Variants in BAZ2B observed in about 807,000 individuals in gnomAD.
BAZ2B encodes bromodomain adjacent to zinc finger domain 2B, also known as bromodomain adjacent to zinc finger domain protein 2B.
A neutral mutation model predicts 246.0 loss-of-function variants in BAZ2B; 91 were observed. The ratio of observed to expected loss-of-function variants is 0.37; its 90% CI spans 0.31 to 0.44. The LOEUF is 0.44. BAZ2B is among the 20% of genes least tolerant of loss of function. The pLI is 1.00. For missense variants in BAZ2B, 2,332 were observed against 2,533.7 expected (o/e 0.92, Z 1.71); for synonymous variants, 855 against 860.0 (o/e 0.99, Z 0.10).
intron 2 of BAZ2B, among the ~76,000 whole-genome samples, chr2:159,506,897 A>T (rs2082387586): frequency 6.6e-6 from 1 of 152,220 alleles, no homozygotes; most frequent in South Asian, 2.1e-4. Context: ...AGAGAATCTA[A>T]CAAGCAAGAT....
intron 1 of BAZ2B, among the ~76,000 whole-genome samples, chr2:159,604,965 C>CGT (rs1693111088): frequency 7.0e-6 from 1 of 143,590 alleles, no homozygotes; most frequent in Non-Finnish European, 1.5e-5. Flanking sequence ...CGTGTGTGCG[C>CGT]GCGCTAGGAG....
At chr2:159,324,213 G>A (rs1363876421) in intron 36 of BAZ2B, among the ~76,000 whole-genome samples, 2 of 152,096 alleles carry the variant, frequency 1.3e-5, no homozygotes, top group African/African-American at 2.4e-5. Context: ...CCCAAAGTAA[G>A]TAACTTTATT....
intron 25 of BAZ2B, among the ~76,000 whole-genome samples, chr2:159,379,819 A>G (rs969196427): frequency 6.6e-6 from 1 of 152,166 alleles, no homozygotes; most frequent in African/African-American, 2.4e-5. Flanking sequence ...AAGGGAAAAG[A>G]GTTCTTTCTA....
chr2:159,591,518 T>C (rs962812745), intron 1 of BAZ2B, among the ~76,000 whole-genome samples: 1 of 152,216 alleles, frequency 6.6e-6, no homozygotes, highest in South Asian at 2.1e-4. Context: ...GAATGGCATA[T>C]ACAGTAATTT....
At chr2:159,354,556 G>A (rs1372572582) in intron 27 of BAZ2B, among the ~76,000 whole-genome samples, 2 of 152,070 alleles carry the variant, frequency 1.3e-5, no homozygotes, top group African/African-American at 2.4e-5. Context: ...TTACCATGGT[G>A]GTCAGGCTGG....
At chr2:159,707,684 A>G in the BAZ2B span, among the ~76,000 whole-genome samples, 64,244 of 152,006 alleles carry the variant, frequency 0.42, 14,606 homozygotes, top group Middle Eastern at 0.6. Flanking sequence ...AAAATTAGCC[A>G]GGCATTGTGG....
At chr2:159,689,897 G>C in the BAZ2B span, 1 of 395,378 alleles carries the variant, frequency 2.5e-6, no homozygotes. Flanking sequence ...GTGTATTTTA[G>C]TAAAGTCAAC....
intron 14 of BAZ2B, among the ~76,000 whole-genome samples, chr2:159,406,189 G>A (rs1461891934): frequency 1.3e-5 from 2 of 152,180 alleles, no homozygotes; most frequent in Admixed American, 6.5e-5. Flanking sequence ...TGGCTAAGAG[G>A]ATGTTAGCAG....
chr2:159,480,049 C>G (rs907869142), intron 2 of BAZ2B, among the ~76,000 whole-genome samples: 1 of 152,082 alleles, frequency 6.6e-6, no homozygotes, highest in African/African-American at 2.4e-5. Context: ...GGGTCAGCAA[C>G]AGTAACTAAT....
At chr2:159,480,580 G>A (rs531427995) in intron 2 of BAZ2B, among the ~76,000 whole-genome samples, 13 of 151,824 alleles carry the variant, frequency 8.6e-5, no homozygotes, top group Non-Finnish European at 1.8e-4. Flanking sequence ...ATGTGTGCGC[G>A]TGCACACACA....
chr2:159,594,755 C>G (rs1201758324), intron 1 of BAZ2B, among the ~76,000 whole-genome samples: 1 of 152,028 alleles, frequency 6.6e-6, no homozygotes, highest in East Asian at 1.9e-4. Context: ...GCTCAGTCTC[C>G]CAAGCGGCTG....
the BAZ2B span, among the ~76,000 whole-genome samples, chr2:159,704,120 GCTCCATGGTAAGAAA>G: frequency 2.0e-5 from 3 of 152,136 alleles, no homozygotes; most frequent in Non-Finnish European, 4.4e-5. Context: ...GAGCACTGAA[GCTCCATGGTAAGAAA>G]CTTAGAATGG....
At chr2:159,442,826 A>G in intron 6 of BAZ2B, among the ~76,000 whole-genome samples, 1 of 152,208 alleles carries the variant, frequency 6.6e-6, no homozygotes, top group East Asian at 1.9e-4. Flanking sequence ...TCCATGCTGT[A>G]GCAAATATCA....
chr2:159,504,569 A>G (rs1174877529), intron 2 of BAZ2B, among the ~76,000 whole-genome samples: 1 of 152,148 alleles, frequency 6.6e-6, no homozygotes, highest in Non-Finnish European at 1.5e-5. Context: ...GCTTTTCCAT[A>G]TTTATATCAA....
intron 1 of BAZ2B, among the ~76,000 whole-genome samples, chr2:159,559,535 ATAAGT>A (rs2089603947): frequency 6.6e-6 from 1 of 152,242 alleles, no homozygotes; most frequent in Admixed American, 6.5e-5. Flanking sequence ...TGGAAAAATT[ATAAGT>A]TAAGGATAGA....
At chr2:159,703,385 C>T in the BAZ2B span, among the ~76,000 whole-genome samples, 3 of 152,090 alleles carry the variant, frequency 2.0e-5, no homozygotes, top group East Asian at 1.9e-4. Context: ...TGAGCGACTG[C>T]GCCCAGCCAA....
intron 2 of BAZ2B, among the ~76,000 whole-genome samples, chr2:159,521,239 C>T (rs1307803416): frequency 6.6e-6 from 1 of 151,922 alleles, no homozygotes; most frequent in African/African-American, 2.4e-5. Context: ...CATTATTAAC[C>T]ATCTTATAAT....
chr2:159,562,753 ATTAAG>A (rs2089997885), intron 1 of BAZ2B, among the ~76,000 whole-genome samples: 2 of 152,208 alleles, frequency 1.3e-5, no homozygotes, highest in Non-Finnish European at 2.9e-5. Context: ...ACCTTTAGGA[ATTAAG>A]TTAAAGCACA....
intron 30 of BAZ2B, among the ~76,000 whole-genome samples, chr2:159,348,319 CAAAAA>C (rs541304274): frequency 0.017 from 470 of 27,114 alleles, 1 homozygote; most frequent in African/African-American, 0.04. Flanking sequence ...GACTCTCTCA[CAAAAA>C]AAAAAAAAAA....
Sources: gnomAD v4.1 joint callset for allele counts (sites outside exome capture counted in the v4.1 genomes callset) on GRCh38, gnomAD v4.1.1 for gene constraint, MANE v1.5 for transcripts, NCBI Gene and HGNC (gene_info 2026-07-23, HGNC 2026-07-21) for gene names.